The following CTPS2 variants were observed in gnomAD, a reference collection of about 807,000 sequenced individuals.
The protein encoded by CTPS2 is CTP synthase 2, also known as CTP synthase II.
CTPS2 carries 19 observed loss-of-function variants against 46.8 expected under a neutral mutation model. The observed-to-expected ratio is 0.41, with a 90% CI of 0.28 to 0.60. The LOEUF is 0.60. CTPS2 is among the 20% of genes least tolerant of loss of function. The probability of loss-of-function intolerance (pLI) is 0.35; values close to 1 mark genes in which losing one functional copy is unlikely to be tolerated. For synonymous variants in CTPS2, 151 were observed against 165.2 expected (o/e 0.91, Z 0.66); for missense variants, 286 against 447.6 (o/e 0.64, Z 3.26).
chrX:16,629,929 C>A lies in CTPS2; in HGVS notation c.1393+9218G>T, dbSNP rs936257998. ...TTAGTCAAGTTCTTCTTCTTTAATA[C>A]GAGGAAATGCAGAGAAGGTCCCTGA... On this transcript the variant is annotated intron_variant, in intron 14 of 18. Transcript: ENST00000359276. 2.7e-5 allele frequency among the ~76,000 whole-genome samples: 3 copies of A among 111,505 alleles called. No individual in the cohort carries two copies. In the East Asian group the frequency reaches 8.5e-4, roughly 32 times the overall value.
At chrX:16,618,917 G>C (rs1054608590) in intron 15 of CTPS2, among the ~76,000 whole-genome samples, 1 of 111,568 alleles carries the variant, frequency 9.0e-6, no homozygotes, top group African/African-American at 3.3e-5. Flanking sequence ...CCTAACAAGA[G>C]GGAGACCATG....
intron 14 of CTPS2, among the ~76,000 whole-genome samples, chrX:16,628,032 C>T (rs970747436): frequency 4.5e-5 from 5 of 111,453 alleles, no homozygotes; most frequent in African/African-American, 1.3e-4. Flanking sequence ...AAAATGGTGG[C>T]TGGGTCCTAG....
intron 13 of CTPS2, among the ~76,000 whole-genome samples, chrX:16,664,344 T>C (rs1920994817): frequency 8.9e-6 from 1 of 111,942 alleles, no homozygotes; most frequent in African/African-American, 3.2e-5. Context: ...TAAAGGCTCA[T>C]AAGGAACCCT....
At chrX:16,625,918 A>T (rs993784256) in intron 14 of CTPS2, among the ~76,000 whole-genome samples, 1 of 111,303 alleles carries the variant, frequency 9.0e-6, no homozygotes, top group African/African-American at 3.3e-5. Context: ...GATAGGGGGC[A>T]TGGCGGGCCA....
At chrX:16,630,555 T>C (rs999306128) in intron 14 of CTPS2, among the ~76,000 whole-genome samples, 6 of 110,315 alleles carry the variant, frequency 5.4e-5, no homozygotes, top group Non-Finnish European at 1.1e-4. Flanking sequence ...CGCCCGGCCC[T>C]GTGTTGTGTT....
intron 17 of CTPS2, among the ~76,000 whole-genome samples, chrX:16,594,334 A>AT (rs1929117626): frequency 9.0e-6 from 1 of 111,513 alleles, no homozygotes; most frequent in African/African-American, 3.3e-5. Flanking sequence ...TGGTTATACT[A>AT]TTTATGAGCC....
At chrX:16,701,139 T>A (rs1169126069) in intron 2 of CTPS2, among the ~76,000 whole-genome samples, 2 of 112,175 alleles carry the variant, frequency 1.8e-5, no homozygotes, top group Non-Finnish European at 3.8e-5. Context: ...ACCACAGACT[T>A]GAATAAGTCA....
At chrX:16,690,764 A>G (rs1261986917) in intron 7 of CTPS2, among the ~76,000 whole-genome samples, 1 of 112,220 alleles carries the variant, frequency 8.9e-6, no homozygotes, top group African/African-American at 3.2e-5. Context: ...ACCAAGGTGG[A>G]AAGCCCTACA....
chrX:16,704,613 C>T (rs1448981403), intron 1 of CTPS2, among the ~76,000 whole-genome samples: 4 of 111,353 alleles, frequency 3.6e-5, no homozygotes, highest in Admixed American at 9.6e-5. Flanking sequence ...TCCAAACCCA[C>T]AGAATGGACA....
At position 16,700,191 on chromosome X, in the gene CTPS2, A is replaced by G. The variant is rs6653624; in HGVS notation, c.167-1098T>C. Reference sequence around the variant, plus strand: ...GAGTGCAGTGGTGCGATCTCGGCTCACTGCAACCTCTGACTCCCTGGTTCA... The same window carrying G: ...GAGTGCAGTGGTGCGATCTCGGCTCGCTGCAACCTCTGACTCCCTGGTTCA... On this transcript the variant is annotated intron_variant, in intron 2 of 18. Transcript: ENST00000359276. 4.0e-3 allele frequency among the ~76,000 whole-genome samples: 431 copies of G among 107,303 alleles called. 2 individuals are homozygous for G. Among genetic ancestry groups the G allele is most frequent in the African/African-American group, 0.014 (412 of 29,562 alleles). 93.2% of individuals were successfully genotyped at this position (107,303 alleles called of 115,157 possible). A position where few individuals can be genotyped will look rare whatever the true frequency, so the allele number is the denominator to read the frequency against.
chrX:16,697,536 C>T (rs763762879), intron 4 of CTPS2, among the ~76,000 whole-genome samples: 1 of 105,083 alleles, frequency 9.5e-6, no homozygotes, highest in South Asian at 4.4e-4. Flanking sequence ...CTCAACCTCC[C>T]GGGCTCAAAA....
chrX:16,692,945 T>A (rs1033397687), intron 6 of CTPS2, among the ~76,000 whole-genome samples, 196 bp downstream of exon 6: 1 of 108,454 alleles, frequency 9.2e-6, no homozygotes, highest in Non-Finnish European at 1.9e-5. Flanking sequence ...GTAGTCCAGA[T>A]ACTCTGGAGG....
At chrX:16,639,981 T>A (rs1269455799) in intron 13 of CTPS2, among the ~76,000 whole-genome samples, 1 of 111,210 alleles carries the variant, frequency 9.0e-6, no homozygotes, top group Non-Finnish European at 1.9e-5. Context: ...CCCTCCAGAA[T>A]TCCCGCATCC....
chrX:16,653,383 T>C (rs1932743766), intron 13 of CTPS2, among the ~76,000 whole-genome samples: 4 of 112,251 alleles, frequency 3.6e-5, no homozygotes, highest in Admixed American at 1.9e-4. Context: ...TGGCACCACC[T>C]GGGAAGCTGT....
At position 16,625,795 on chromosome X, in the gene CTPS2, A is replaced by G. The variant is rs778019447; in HGVS notation, c.1394-5463T>C. 1.1e-4 allele frequency among the ~76,000 whole-genome samples: 12 copies of G among 110,085 alleles called. No individual in the cohort carries two copies. In the East Asian group the frequency reaches 2.9e-3, roughly 27 times the overall value. ...CGTCCAGCAGCCAATCTCCTCTCCA[A>G]TGGTCCCCAGCCGGACTCCTCTCCA... On this transcript the variant is annotated intron_variant, in intron 14 of 18. Coordinates refer to ENST00000359276, the MANE Select transcript of CTPS2 (RefSeq NM_175859.3).
intron 1 of CTPS2, among the ~76,000 whole-genome samples, chrX:16,705,589 C>T: frequency 8.9e-6 from 1 of 112,424 alleles, no homozygotes; most frequent in Admixed American, 9.5e-5. Flanking sequence ...ATAGCTCCTC[C>T]TGTAACCTGT....
intron 13 of CTPS2, among the ~76,000 whole-genome samples, chrX:16,662,027 A>C (rs1932973678): frequency 1.1e-5 from 1 of 92,103 alleles, no homozygotes; most frequent in Non-Finnish European, 2.3e-5. Context: ...TCAAAAGCTG[A>C]AAATATTCAA....
At chrX:16,708,537 TA>T (rs1925191317) in intron 1 of CTPS2, among the ~76,000 whole-genome samples, 1 of 110,408 alleles carries the variant, frequency 9.1e-6, no homozygotes, top group Admixed American at 9.9e-5. Context: ...AATAAATAAA[TA>T]AATTATATAT....
chrX:16,658,210 C>CAA (rs57586081), intron 13 of CTPS2, among the ~76,000 whole-genome samples: 9 of 90,468 alleles, frequency 9.9e-5, no homozygotes, highest in Admixed American at 1.2e-4. Context: ...GACTCTATCT[C>CAA]AAAAAAAAAA....
Sources: gnomAD v4.1 joint callset for allele counts (sites outside exome capture counted in the v4.1 genomes callset) on GRCh38, gnomAD v4.1.1 for gene constraint, MANE v1.5 for transcripts, NCBI Gene and HGNC (gene_info 2026-07-23, HGNC 2026-07-21) for gene names.